Variants in ZEB1 observed in about 807,000 individuals in gnomAD.
The protein encoded by ZEB1 is zinc finger E-box binding homeobox 1.
Under a neutral mutation model 84.9 loss-of-function variants are expected in ZEB1, and 21 were observed. The ratio of observed to expected loss-of-function variants is 0.25; its 90% CI spans 0.18 to 0.36. The LOEUF is 0.36. ZEB1 is among the 10% of genes least tolerant of loss of function. The pLI is 1.00. For synonymous variants in ZEB1, 420 were observed against 471.1 expected (o/e 0.89, Z 1.41); for missense variants, 1,104 against 1,330.2 (o/e 0.83, Z 2.65).
chr10:31,329,628 A>G (rs1353978563), intron 1 of ZEB1, among the ~76,000 whole-genome samples: 1 of 152,294 alleles, frequency 6.6e-6, no homozygotes. Context: ...AAGAAGCTGC[A>G]AAATTGCAAA....
At chr10:31,518,436 G>C (rs1453523946) in intron 6 of ZEB1, among the ~76,000 whole-genome samples, 1 of 152,122 alleles carries the variant, frequency 6.6e-6, no homozygotes, top group Non-Finnish European at 1.5e-5. Context: ...TGTGGCATCA[G>C]GACAAACTAG....
In ZEB1 at chr10:31,376,351, G is replaced by A. The variant is rs534231071; in HGVS notation, c.58+57059G>A. 2.2e-4 allele frequency among the ~76,000 whole-genome samples: 34 copies of A among 151,864 alleles called. No individual in the cohort carries two copies. The South Asian group carries it at 6.8e-3, about 31-fold the overall frequency. On this transcript the variant is annotated intron_variant, in intron 1 of 8. Transcript: ENST00000424869. ...ATGAAATGAGGTTGTTCATTTTGAT[G>A]TAAAAATTAGACTGACGTTCTTTGC...
chr10:31,363,341 G>GGAGTC (rs2043737754), intron 1 of ZEB1: 1 of 1,534,012 alleles, frequency 6.5e-7, no homozygotes, highest in East Asian at 2.4e-5. Context: ...GCGACTCCAT[G>GGAGTC]GCCCTTGGAG....
Position 31,443,321 on chromosome 10 carries a change from A to AT in ZEB1, c.59-17709dup, listed in dbSNP as rs199921425. Reference sequence around the variant, plus strand: ...AATTTGTCGTTTGTCTTTTGACTTGATTTTTTTCTGTGTATAGTTATGGGT... The same window carrying AT: ...AATTTGTCGTTTGTCTTTTGACTTGATTTTTTTTCTGTGTATAGTTATGGGT... On this transcript the variant is annotated intron_variant, in intron 1 of 8. Transcript: ENST00000424869. 6.3e-3 allele frequency among the ~76,000 whole-genome samples: 952 copies of AT among 150,238 alleles called. 8 individuals are homozygous for AT. The highest frequency in any genetic ancestry group is 0.022 in the African/African-American group (910 of 40,914).
upstream of ZEB1, chr10:31,319,023 C>T (rs2032896723): frequency 1.6e-6 from 1 of 624,318 alleles, no homozygotes; most frequent in Non-Finnish European, 2.9e-6. Context: ...TCAGCAGTGC[C>T]CACGGTTGCC....
intron 1 of ZEB1, among the ~76,000 whole-genome samples, chr10:31,419,345 C>T (rs1013381109): frequency 6.6e-6 from 1 of 151,840 alleles, no homozygotes; most frequent in South Asian, 2.1e-4. Context: ...TTATGGACAG[C>T]CAAGTTAGGG....
chr10:31,487,294 T>C (rs1307896705), intron 2 of ZEB1, among the ~76,000 whole-genome samples: 4 of 151,506 alleles, frequency 2.6e-5, no homozygotes, highest in Non-Finnish European at 5.9e-5. Context: ...ATAATCATGC[T>C]GAAATTTTGA....
At chr10:31,425,843 A>G (rs1445781528) in intron 1 of ZEB1, among the ~76,000 whole-genome samples, 1 of 152,190 alleles carries the variant, frequency 6.6e-6, no homozygotes, top group Non-Finnish European at 1.5e-5. Context: ...CATTTATTAA[A>G]AAGTTGGAGT....
chr10:31,478,868 T>A lies in ZEB1; in HGVS notation c.260-16908T>A, dbSNP rs138443518. Among the ~76,000 whole-genome samples, 4 of 151,486 alleles carry A rather than the reference T, an allele frequency of 2.6e-5. No homozygotes were observed. In the South Asian group the frequency reaches 8.3e-4, roughly 31 times the overall value. On this transcript the variant is annotated intron_variant, in intron 2 of 8. Coordinates refer to ENST00000424869, the MANE Select transcript of ZEB1 (RefSeq NM_001174096.2). ...TTGGAGACTCCAAAAAGGGGGAAGG[T>A]AAAAGGGGAATTCGGATTTTTATAA... is the stretch of plus-strand genomic sequence containing the variant.
chr10:31,361,284 C>A (rs1421174005), intron 1 of ZEB1: 1 of 1,490,610 alleles, frequency 6.7e-7, no homozygotes, highest in Non-Finnish European at 9.3e-7. Context: ...CCTCCACTTC[C>A]CGGGTTCAAG....
intron 1 of ZEB1, among the ~76,000 whole-genome samples, chr10:31,391,312 G>A (rs954531183): frequency 2.7e-5 from 4 of 150,222 alleles, no homozygotes; most frequent in African/African-American, 4.9e-5. Flanking sequence ...AGAAATTTCA[G>A]AATTTGAAAA....
intron 1 of ZEB1, chr10:31,363,245 A>G (rs1202070530): frequency 1.3e-6 from 2 of 1,533,958 alleles, no homozygotes; most frequent in East Asian, 4.9e-5. Context: ...CACAGGGAGC[A>G]GCCCGGAACT....
chr10:31,482,913 T>C (rs547368591), intron 2 of ZEB1, among the ~76,000 whole-genome samples: 2 of 152,214 alleles, frequency 1.3e-5, no homozygotes, highest in African/African-American at 4.8e-5. Context: ...CCTAAAAGAA[T>C]GTCAGATATC....
intron 1 of ZEB1, among the ~76,000 whole-genome samples, chr10:31,355,771 A>G (rs1009701391): frequency 1.2e-4 from 19 of 152,266 alleles, no homozygotes; most frequent in African/African-American, 4.6e-4. Flanking sequence ...AAGGATAAGT[A>G]AATGTAGAGA....
chr10:31,431,290 G>C (rs1051559312), intron 1 of ZEB1, among the ~76,000 whole-genome samples: 1 of 152,162 alleles, frequency 6.6e-6, no homozygotes, highest in Non-Finnish European at 1.5e-5. Context: ...GGCCTTGCCT[G>C]CCAGGGAGCA....
chr10:31,425,932 T>C (rs540378046), intron 1 of ZEB1, among the ~76,000 whole-genome samples: 2 of 152,274 alleles, frequency 1.3e-5, no homozygotes, highest in Admixed American at 1.3e-4. Flanking sequence ...CCCAAATGTT[T>C]TATAAAAATG....
At chr10:31,374,736 G>C (rs553534467) in intron 1 of ZEB1, 2 of 151,804 alleles carry the variant, frequency 1.3e-5, no homozygotes, top group African/African-American at 4.8e-5. Context: ...GCTAAGCTAG[G>C]CATCAGAAAG....
At chr10:31,484,712 A>T (rs1317526276) in intron 2 of ZEB1, among the ~76,000 whole-genome samples, 1 of 151,848 alleles carries the variant, frequency 6.6e-6, no homozygotes, top group Non-Finnish European at 1.5e-5. Flanking sequence ...GTAAATGAAT[A>T]TTTTTTTCTT....
intron 1 of ZEB1, among the ~76,000 whole-genome samples, chr10:31,457,029 C>T (rs2061318388): frequency 6.6e-6 from 1 of 152,118 alleles, no homozygotes; most frequent in South Asian, 2.1e-4. Context: ...AGTTTAAATT[C>T]ATATTATCTA....
Sources: allele counts gnomAD v4.1 joint callset (sites outside exome capture counted in the v4.1 genomes callset), GRCh38; gene constraint gnomAD v4.1.1; transcripts MANE v1.5; gene names NCBI Gene and HGNC (gene_info 2026-07-23, HGNC 2026-07-21).